The following SGCZ variants were observed in gnomAD, a reference collection of about 807,000 sequenced individuals.
SGCZ encodes sarcoglycan zeta.
In SGCZ, 40 loss-of-function variants were observed where a neutral mutation model predicts 41.3. The ratio of observed to expected loss-of-function variants is 0.97; its 90% CI spans 0.75 to 1.26. The LOEUF is 1.26. SGCZ is among the 50% of genes most tolerant of loss of function. SGCZ has a pLI of 0.00. For missense variants in SGCZ, 552 were observed against 369.8 expected (o/e 1.49, Z -4.04); for synonymous variants, 206 against 137.5 (o/e 1.50, Z -3.49).
Position 14,459,191 on chromosome 8 carries a change from T to C in SGCZ, c.234+95541A>G, listed in dbSNP as rs541207946. On this transcript the variant is annotated intron_variant, in intron 2 of 7. Coordinates refer to ENST00000382080, the MANE Select transcript of SGCZ (RefSeq NM_139167.4). ...GACAAAAAACCAAACACCGCATGTTTTCACTCATAGGTGGGAATTGAACAA... is the reference window on the plus strand; with the variant it reads ...GACAAAAAACCAAACACCGCATGTTCTCACTCATAGGTGGGAATTGAACAA... 3.2e-4 allele frequency among the ~76,000 whole-genome samples: 49 copies of C among 152,090 alleles called. 1 individual carries two copies. The highest frequency in any genetic ancestry group is 1.1e-3 in the African/African-American group (47 of 41,480).
chr8:14,275,604 C>T (rs1286257614), intron 3 of SGCZ, among the ~76,000 whole-genome samples: 1 of 152,112 alleles, frequency 6.6e-6, no homozygotes, highest in Non-Finnish European at 1.5e-5. Context: ...ATTCTTACCC[C>T]AGGAATACTG....
chr8:14,415,611 T>C (rs1227597627), intron 2 of SGCZ, among the ~76,000 whole-genome samples: 1 of 152,110 alleles, frequency 6.6e-6, no homozygotes, highest in African/African-American at 2.4e-5. Flanking sequence ...AGGATTTTAG[T>C]TCCTTTGAAT....
intron 2 of SGCZ, among the ~76,000 whole-genome samples, chr8:14,517,469 A>G (rs1393460324): frequency 6.6e-6 from 1 of 152,066 alleles, no homozygotes; most frequent in Non-Finnish European, 1.5e-5. Context: ...TTTCCATTTG[A>G]TCGTAAGGTA....
chr8:15,146,040 C>T (rs1262712778), intron 1 of SGCZ, among the ~76,000 whole-genome samples: 1 of 151,618 alleles, frequency 6.6e-6, no homozygotes, highest in Admixed American at 6.6e-5. Context: ...CTGTTAGTGG[C>T]CATGAATAGG....
intron 3 of SGCZ, among the ~76,000 whole-genome samples, chr8:14,265,430 G>T (rs1427459298): frequency 3.9e-5 from 6 of 152,074 alleles, no homozygotes; most frequent in Admixed American, 2.6e-4. Context: ...GAAAACGCTG[G>T]ATCTCTATGT....
intron 1 of SGCZ, among the ~76,000 whole-genome samples, chr8:14,622,404 T>C (rs1806315607): frequency 6.6e-6 from 1 of 152,168 alleles, no homozygotes; most frequent in African/African-American, 2.4e-5. Context: ...GTTTGAAAAA[T>C]GTGAGGTCTG....
At chr8:14,233,664 T>C (rs889816945) in intron 4 of SGCZ, among the ~76,000 whole-genome samples, 5 of 150,096 alleles carry the variant, frequency 3.3e-5, no homozygotes, top group African/African-American at 9.7e-5. Context: ...AGATGGTGCA[T>C]AATTTACATC....
intron 1 of SGCZ, among the ~76,000 whole-genome samples, chr8:15,192,622 C>T (rs1409881888): frequency 6.6e-6 from 1 of 152,100 alleles, no homozygotes; most frequent in Non-Finnish European, 1.5e-5. Context: ...GGTTTACTGG[C>T]ATCAATGCCA....
intron 2 of SGCZ, among the ~76,000 whole-genome samples, chr8:14,408,858 C>T (rs1022578652): frequency 1.3e-5 from 2 of 151,932 alleles, no homozygotes; most frequent in African/African-American, 2.4e-5. Flanking sequence ...TGATTGAGAC[C>T]TTCTCTGAAT....
At chr8:14,658,544 T>C (rs1381917769) in intron 1 of SGCZ, among the ~76,000 whole-genome samples, 1 of 152,186 alleles carries the variant, frequency 6.6e-6, no homozygotes, top group Non-Finnish European at 1.5e-5. Context: ...TGCTTTTCCC[T>C]ACACATCCTT....
intron 2 of SGCZ, among the ~76,000 whole-genome samples, chr8:14,335,878 T>C (rs995203759): frequency 6.6e-6 from 1 of 152,148 alleles, no homozygotes; most frequent in Admixed American, 6.6e-5. Context: ...ACAACATCTC[T>C]TTACTCAATG....
chr8:15,092,481 G>T (rs148929381), intron 1 of SGCZ, among the ~76,000 whole-genome samples: 58 of 152,242 alleles, frequency 3.8e-4, no homozygotes, highest in African/African-American at 1.3e-3. Flanking sequence ...GCTAGCCTGA[G>T]TATTAAATCA....
At chr8:14,391,526 T>C (rs1161831659) in intron 2 of SGCZ, among the ~76,000 whole-genome samples, 2 of 152,112 alleles carry the variant, frequency 1.3e-5, no homozygotes, top group African/African-American at 2.4e-5. Context: ...GGGAGTACTA[T>C]GTTCAGGGGC....
At chr8:14,817,994 A>C (rs1398115135) in intron 1 of SGCZ, among the ~76,000 whole-genome samples, 1 of 152,140 alleles carries the variant, frequency 6.6e-6, no homozygotes, top group Non-Finnish European at 1.5e-5. Context: ...CTGCAGGTAC[A>C]TTTACTTATC....
intron 2 of SGCZ, among the ~76,000 whole-genome samples, chr8:14,459,148 T>C (rs1800830130): frequency 1.3e-5 from 2 of 152,126 alleles, no homozygotes; most frequent in Non-Finnish European, 2.9e-5. Context: ...ACCTTCATTC[T>C]CAGCAAACTA....
chr8:14,147,678 C>A (rs1428491511), intron 5 of SGCZ, among the ~76,000 whole-genome samples: 1 of 152,132 alleles, frequency 6.6e-6, no homozygotes, highest in Non-Finnish European at 1.5e-5. Context: ...AAAGAAGCAT[C>A]TGACTTATTC....
intron 2 of SGCZ, among the ~76,000 whole-genome samples, chr8:14,531,056 G>A (rs1461856): frequency 0.86 from 130,689 of 151,874 alleles, 56,520 homozygotes; most frequent in South Asian, 0.92. Flanking sequence ...AGCTCCAGAT[G>A]GAGTCCATGG....
At chr8:14,296,141 A>C (rs10097743) in intron 3 of SGCZ, among the ~76,000 whole-genome samples, 113,369 of 152,002 alleles carry the variant, frequency 0.75, 42,663 homozygotes, top group Non-Finnish European at 0.78. Flanking sequence ...TAAGCTTCAA[A>C]CTAAGACTCA....
Position 14,090,327 on chromosome 8 carries a change from T to A in SGCZ, c.*116A>T. On this transcript the variant is annotated 3_prime_UTR_variant, in exon 8 of 8. Coordinates refer to ENST00000382080, the MANE Select transcript of SGCZ (RefSeq NM_139167.4). Reference sequence around the variant, plus strand: ...GCGAATCCCTGCTCACACTGGAAGTTGCTCTGTGGACCATTCGAAGAAGCT... The same window carrying A: ...GCGAATCCCTGCTCACACTGGAAGTAGCTCTGTGGACCATTCGAAGAAGCT... 9.6e-7 allele frequency: 1 copy of A among 1,040,548 alleles called. No homozygotes were observed. Among genetic ancestry groups the A allele is most frequent in the South Asian group, 2.0e-5 (1 of 51,092 alleles). 64.5% of individuals were successfully genotyped at this position (1,040,548 alleles called of 1,614,324 possible).
Sources: allele counts gnomAD v4.1 joint callset (sites outside exome capture counted in the v4.1 genomes callset), GRCh38; gene constraint gnomAD v4.1.1; transcripts MANE v1.5; gene names NCBI Gene and HGNC (gene_info 2026-07-23, HGNC 2026-07-21).